Variants in HAPLN1 observed in about 807,000 individuals in gnomAD.
HAPLN1 encodes the protein hyaluronan and proteoglycan link protein 1, also known as Cartilage link protein.
Under a neutral mutation model 36.5 loss-of-function variants are expected in HAPLN1, and 13 were observed. The ratio of observed to expected loss-of-function variants is 0.36; its 90% CI spans 0.23 to 0.57. The LOEUF (loss-of-function observed/expected upper bound fraction) is 0.57, where lower values mean the gene tolerates loss of function less well. Among genes scored for constraint, HAPLN1 ranks in the 20% least tolerant of loss-of-function variants. The pLI, the probability that HAPLN1 is intolerant of heterozygous loss-of-function variation, is 0.83. For missense variants in HAPLN1, 407 were observed against 439.7 expected (o/e 0.93, Z 0.66); for synonymous variants, 202 against 169.8 (o/e 1.19, Z -1.48).
chr5:83,685,229 T>C (rs1751091710), intron 1 of HAPLN1, among the ~76,000 whole-genome samples: 1 of 152,242 alleles, frequency 6.6e-6, no homozygotes, highest in Admixed American at 6.5e-5. Flanking sequence ...ACTACTAGAA[T>C]GCAAGCTCCA....
rs1750149929 is a variant in HAPLN1, at chr5:83,654,098, T to G, written c.101-1274A>C. 2.0e-5 allele frequency among the ~76,000 whole-genome samples: 3 copies of G among 152,226 alleles called. No homozygotes were observed. In the South Asian group the frequency reaches 6.2e-4, roughly 32 times the overall value. On this transcript the variant is annotated intron_variant, in intron 2 of 4. Transcript: ENST00000274341. ...AGACACACAGTTATTGAATGGCAAA[T>G]ATAGGATTTGGATTTTAAAATAGAA...
chr5:83,665,313 A>G (rs1292285989), intron 2 of HAPLN1, among the ~76,000 whole-genome samples: 1 of 152,196 alleles, frequency 6.6e-6, no homozygotes, highest in African/African-American at 2.4e-5. Flanking sequence ...TTCGTGTCAT[A>G]TATCTTGTAA....
chr5:83,682,672 G>A (rs1751034119), intron 1 of HAPLN1: 1 of 152,068 alleles, frequency 6.6e-6, no homozygotes, highest in Non-Finnish European at 1.5e-5. Flanking sequence ...GTAACAAAGT[G>A]TGTTCCAGCC....
chr5:83,646,727 TTCTA>T (rs1447544483), intron 3 of HAPLN1, among the ~76,000 whole-genome samples: 5 of 152,192 alleles, frequency 3.3e-5, no homozygotes, highest in African/African-American at 1.2e-4. Context: ...CTGGAGATGG[TTCTA>T]TCTAAGGAGG....
rs751573843 is a variant in HAPLN1, at chr5:83,673,473, A to G, written c.51T>C (p.His17=). 6.2e-7 allele frequency: 1 copy of G among 1,613,818 alleles called. No homozygotes were observed. The highest frequency in any genetic ancestry group is 8.5e-7 in the Non-Finnish European group (1 of 1,179,872). The part of the protein sequence containing the change: ...LVLISICWAD[H]LSDNYTLDHD... ...GATCCAGAGTATAGTTGTCTGAAAG[A>G]TGATCAGCCCAGCAGATTGAAATCA... The change falls in exon 2 of 5, where the codon CAT becomes CAC. Residue 17 remains histidine (H), a synonymous_variant. Transcript: ENST00000274341.
intron 1 of HAPLN1, among the ~76,000 whole-genome samples, chr5:83,679,076 A>G (rs1750933392): frequency 6.6e-6 from 1 of 152,246 alleles, no homozygotes; most frequent in African/African-American, 2.4e-5. Context: ...TTTGAGTGAT[A>G]TAAGGACATA....
intron 1 of HAPLN1, among the ~76,000 whole-genome samples, chr5:83,676,027 T>C (rs1044552213): frequency 6.6e-6 from 1 of 152,216 alleles, no homozygotes; most frequent in Non-Finnish European, 1.5e-5. Context: ...TAAACATTTT[T>C]CCCAAGACTT....
intron 1 of HAPLN1, among the ~76,000 whole-genome samples, chr5:83,704,644 G>A (rs1269079047): frequency 6.6e-6 from 1 of 152,140 alleles, no homozygotes; most frequent in Non-Finnish European, 1.5e-5. Flanking sequence ...ACAAAGATCA[G>A]AAACTAACGA....
At chr5:83,710,077 G>A (rs1178860149) in intron 1 of HAPLN1, among the ~76,000 whole-genome samples, 1 of 152,218 alleles carries the variant, frequency 6.6e-6, no homozygotes, top group Non-Finnish European at 1.5e-5. Context: ...GAATTTGACA[G>A]GTTTGTGAGA....
intron 3 of HAPLN1, among the ~76,000 whole-genome samples, chr5:83,649,510 G>A (rs1189478196): frequency 6.6e-6 from 1 of 151,982 alleles, no homozygotes; most frequent in Non-Finnish European, 1.5e-5. Flanking sequence ...GTGCAATGGC[G>A]CGATCTCGGC....
At chr5:83,682,429 C>T (rs1442822535) in intron 1 of HAPLN1, 1 of 152,008 alleles carries the variant, frequency 6.6e-6, no homozygotes, top group East Asian at 1.9e-4. Flanking sequence ...TTATGATCAT[C>T]GATTTACTGT....
At chr5:83,679,878 TGTTA>T (rs1458651029) in intron 1 of HAPLN1, among the ~76,000 whole-genome samples, 2 of 152,198 alleles carry the variant, frequency 1.3e-5, no homozygotes, top group Non-Finnish European at 2.9e-5. Context: ...CCAAGCTCCA[TGTTA>T]GTTGTTATTA....
intron 1 of HAPLN1, chr5:83,673,761 G>A: frequency 2.2e-6 from 1 of 444,504 alleles, no homozygotes; most frequent in Non-Finnish European, 4.0e-6. Context: ...AGTCCAAATA[G>A]TGTTTAACTC....
chr5:83,667,614 CAGAT>C (rs1750588598), intron 2 of HAPLN1, among the ~76,000 whole-genome samples: 1 of 152,240 alleles, frequency 6.6e-6, no homozygotes, highest in East Asian at 1.9e-4. Context: ...CAAACAGACT[CAGAT>C]AGTTTAAATA....
rs571762257 is a variant in HAPLN1, at chr5:83,661,731, C to T, written c.101-8907G>A. Among the ~76,000 whole-genome samples the T allele has an allele frequency of 3.9e-5, 6 of 152,170 alleles. No homozygotes were observed. The South Asian group carries it at 1.0e-3, about 26-fold the overall frequency. ...GTGTTGGGATTACAGGCGTGAGCAA[C>T]GGCACCCGGCCCAGAAAAGCTTCTC... On this transcript the variant is annotated intron_variant, in intron 2 of 4. Coordinates refer to ENST00000274341, the MANE Select transcript of HAPLN1 (RefSeq NM_001884.4).
chr5:83,705,545 A>G (rs538973763), intron 1 of HAPLN1, among the ~76,000 whole-genome samples: 1 of 152,186 alleles, frequency 6.6e-6, no homozygotes, highest in Non-Finnish European at 1.5e-5. Context: ...AAGACATAAC[A>G]TACCAGAATT....
intron 2 of HAPLN1, among the ~76,000 whole-genome samples, chr5:83,658,645 T>C (rs1750288531): frequency 6.6e-6 from 1 of 152,172 alleles, no homozygotes; most frequent in Non-Finnish European, 1.5e-5. Flanking sequence ...TTATTTTGTT[T>C]CCTTAAGACT....
intron 3 of HAPLN1, among the ~76,000 whole-genome samples, chr5:83,651,240 T>C (rs1392832519): frequency 6.6e-6 from 1 of 152,200 alleles, no homozygotes; most frequent in African/African-American, 2.4e-5. Context: ...AAACTGATAC[T>C]GGCAGAGCTG....
In HAPLN1 at chr5:83,640,625, C is replaced by T. The variant is rs945912127; in HGVS notation, c.*871G>A. 4 of 152,120 alleles carry T rather than the reference C, an allele frequency of 2.6e-5. No homozygotes were observed. Among genetic ancestry groups the T allele is most frequent in the African/African-American group, 4.8e-5 (2 of 41,442 alleles). 9.4% of individuals were successfully genotyped at this position (152,120 alleles called of 1,614,324 possible). A position where few individuals can be genotyped will look rare whatever the true frequency, so the allele number is the denominator to read the frequency against. ...CATAGGCTAACAGAAAATCAAGCTG[C>T]TAAATTTTACAATTTTTCTGTCCAG... On this transcript the variant is annotated 3_prime_UTR_variant, in exon 5 of 5. Coordinates refer to ENST00000274341, the MANE Select transcript of HAPLN1 (RefSeq NM_001884.4).
Sources: allele counts gnomAD v4.1 joint callset (sites outside exome capture counted in the v4.1 genomes callset), GRCh38; gene constraint gnomAD v4.1.1; transcripts MANE v1.5; gene names NCBI Gene and HGNC (gene_info 2026-07-23, HGNC 2026-07-21).